MYH2: variants seen among roughly 807,000 people sequenced by gnomAD.
MYH2 encodes the protein myosin heavy chain 2, also known as myosin-2.
Under a neutral mutation model 228.1 loss-of-function variants are expected in MYH2, and 139 were observed. The observed-to-expected ratio is 0.61, with a 90% CI of 0.53 to 0.70. The LOEUF (loss-of-function observed/expected upper bound fraction) is 0.70, where lower values mean the gene tolerates loss of function less well. Ranked by LOEUF, MYH2 falls within the 30% of genes least tolerant of loss-of-function variation. The pLI is 0.00. For synonymous variants in MYH2, 796 were observed against 871.1 expected (o/e 0.91, Z 1.52); for missense variants, 1,809 against 2,357.5 (o/e 0.77, Z 4.82).
rs753068723 is a variant in MYH2 at position 10,524,847 on chromosome 17, G to T, written c.4881C>A (p.Asp1627Glu). The T allele has an allele frequency of 8.7e-6, 14 of 1,614,012 alleles. No homozygotes were observed. The highest frequency in any genetic ancestry group is 1.3e-5 in the African/African-American group (1 of 74,962). Residue 1627 changes from aspartate (D) to glutamate (E), a missense_variant, in exon 34 of 40, where the codon GAC becomes GAA. By Grantham distance (45) the Asp-to-Glu change is conservative (BLOSUM62 2). This residue lies in a region of MYH2 where 75 missense variants were observed against 131.2 expected (regional missense o/e 0.57). Coordinates refer to ENST00000245503, the MANE Select transcript of MYH2 (RefSeq NM_017534.6). This position sits in a 1 kb window ranked among gnomAD's most constrained non-coding sequence, Gnocchi z 4.7. ...TCAGCTGGATTTCCATTTCATTGAG[G>T]TCTCCCTCCATCTTCTTCTTGAGCC... ...AIRLKKKMEG[D>E]LNEMEIQLNH...
rs934672644 is a variant in MYH2, at chr17:10,525,626, C to G, written c.4372-10G>C. The G allele has an allele frequency of 1.2e-6, 2 of 1,613,986 alleles. No individual in the cohort carries two copies. The highest frequency in any genetic ancestry group is 2.7e-5 in the African/African-American group (2 of 74,892). ...TCCATTCTGCCAGGATCTGAAAAAC[C>G]AAGACCTGTTACCTGCTGCAAAGAC... On this transcript the variant is annotated splice_polypyrimidine_tract_variant and intron_variant, in intron 31 of 39. Transcript: ENST00000245503. This position sits in a 1 kb window ranked among gnomAD's most constrained non-coding sequence, Gnocchi z 4.2.
intron 17 of MYH2, 83 bp downstream of exon 17, chr17:10,536,447 A>T: frequency 8.8e-7 from 1 of 1,141,738 alleles, no homozygotes; most frequent in South Asian, 1.4e-5. Context: ...TCCTTAGAAC[A>T]AAAATAGAAG....
chr17:10,532,524 T>C (rs1417328886), intron 21 of MYH2, among the ~76,000 whole-genome samples: 2 of 152,186 alleles, frequency 1.3e-5, no homozygotes, highest in Non-Finnish European at 2.9e-5. Flanking sequence ...TCGTGGATCA[T>C]GACCAAAATT....
At chr17:10,534,785 C>T (rs2073463789) in intron 19 of MYH2, among the ~76,000 whole-genome samples, 1 of 152,084 alleles carries the variant, frequency 6.6e-6, no homozygotes, top group African/African-American at 2.4e-5. Flanking sequence ...GGCGTGGTGG[C>T]ATATGCCTGT....
chr17:10,548,337 GT>G (rs1339111820), intron 2 of MYH2, among the ~76,000 whole-genome samples: 1 of 152,156 alleles, frequency 6.6e-6, no homozygotes, highest in African/African-American at 2.4e-5. Flanking sequence ...CATGATATAT[GT>G]GAAGATACTT....
chr17:10,528,664 T>A, intron 27 of MYH2, 26 bp downstream of exon 27: 1 of 1,613,966 alleles, frequency 6.2e-7, no homozygotes, highest in South Asian at 1.1e-5. Flanking sequence ...TTATTTTCAA[T>A]AACAATTTCC....
chr17:10,531,284 ACT>A (rs1403914098), intron 22 of MYH2, among the ~76,000 whole-genome samples: 2 of 151,992 alleles, frequency 1.3e-5, no homozygotes, highest in East Asian at 3.9e-4. Flanking sequence ...GAAAAATATT[ACT>A]CTCTCCATGC....
Position 10,521,339 on chromosome 17 carries a change from C to G in MYH2, c.5767G>C (p.Val1923Leu), listed in dbSNP as rs1421186490. 1 of 1,614,142 alleles carries G rather than the reference C, an allele frequency of 6.2e-7. No homozygotes were observed. The highest frequency in any genetic ancestry group is 8.5e-7 in the Non-Finnish European group (1 of 1,180,028). ...CGGCTCTTCACCCGCAGTTTGTTCA[C>G]CTGGGACTCAGCAATGTCAGCCCGT... ...EERADIAESQ[V>L]NKLRVKSREV... The change falls in exon 40 of 40, where the codon GTG becomes CTG. Residue 1923 changes from valine to leucine, a missense_variant. By Grantham distance (32) the Val-to-Leu change is conservative. Coordinates refer to ENST00000245503, the MANE Select transcript of MYH2 (RefSeq NM_017534.6).
intron 4 of MYH2, among the ~76,000 whole-genome samples, chr17:10,546,986 G>C (rs756644640): frequency 3.3e-5 from 5 of 151,852 alleles, no homozygotes; most frequent in Admixed American, 1.3e-4. Flanking sequence ...AGCTACTCTG[G>C]AGGCTGAGGC....
intron 18 of MYH2, 29 bp downstream of exon 18, chr17:10,535,249 C>T: frequency 6.2e-7 from 1 of 1,613,862 alleles, no homozygotes; most frequent in Non-Finnish European, 8.5e-7. Context: ...GGCAGTCATC[C>T]TTTGCACTTT....
intron 17 of MYH2, 53 bp from the exon 18 acceptor site, chr17:10,535,418 C>T: frequency 6.9e-7 from 1 of 1,444,134 alleles, no homozygotes. Context: ...TGGATATGAG[C>T]AGTCATTGGT....
rs769259009 is a variant in MYH2, at chr17:10,529,323, C to T, written c.3263+13G>A. On this transcript the variant is annotated intron_variant, in intron 25 of 39. Coordinates refer to ENST00000245503, the MANE Select transcript of MYH2 (RefSeq NM_017534.6). Reference sequence around the variant, plus strand: ...GTTGGAAGCAAATCCATAAGCAATTCTTTCTTACTTACTTTTTGAGCTTTT... The same window carrying T: ...GTTGGAAGCAAATCCATAAGCAATTTTTTCTTACTTACTTTTTGAGCTTTT... The T allele has an allele frequency of 1.2e-6, 2 of 1,613,766 alleles. No homozygotes were observed. Among genetic ancestry groups the T allele is most frequent in the Admixed American group, 1.7e-5 (1 of 59,994 alleles).
At chr17:10,546,699 A>G (rs943373830) in intron 4 of MYH2, among the ~76,000 whole-genome samples, 2 of 151,942 alleles carry the variant, frequency 1.3e-5, no homozygotes, top group Admixed American at 6.6e-5. Context: ...AGGAGGTGAC[A>G]TTCCAGATAG....
intron 14 of MYH2, among the ~76,000 whole-genome samples, chr17:10,538,116 A>G (rs2073504672): frequency 6.6e-6 from 1 of 152,156 alleles, no homozygotes; most frequent in South Asian, 2.1e-4. Flanking sequence ...CTGAGTACCT[A>G]CTTAATCATC....
Position 10,537,463 on chromosome 17 carries a change from T to C in MYH2, c.1667A>G (p.Tyr556Cys). ...GGCAGACTTGCCCAGGTGCTGGTCA[T>C]ACAGCTTGTTCTTGAAGGAGGTGTC... ...ATDTSFKNKL[Y>C]DQHLGKSANF... The change falls in exon 16 of 40, where the codon TAT becomes TGT. Residue 556 changes from tyrosine to cysteine, a missense_variant. Transcript: ENST00000245503. The surrounding 1 kb of genome is among the most constrained non-coding windows in gnomAD (Gnocchi z 4.0). 6.2e-7 allele frequency: 1 copy of C among 1,614,238 alleles called. No homozygotes were observed. Among genetic ancestry groups the C allele is most frequent in the Non-Finnish European group, 8.5e-7 (1 of 1,180,038 alleles).
At position 10,530,064 on chromosome 17, in the gene MYH2, C is replaced by A. The variant is rs751758840; in HGVS notation, c.2708G>T (p.Gly903Val). 6.2e-7 allele frequency: 1 copy of A among 1,614,230 alleles called. No individual in the cohort carries two copies. Among genetic ancestry groups the A allele is most frequent in the Non-Finnish European group, 8.5e-7 (1 of 1,180,044 alleles). ...ACACCTTTCCTCTGCATCAGCCAAG[C>A]CTTCGGCTTCCTTAAGTTGGAAACA... ...LQLQVQAEAE[G>V]LADAEERCDQ... The change falls in exon 23 of 40, where the codon GGC becomes GTC. Residue 903 changes from glycine to valine, a missense_variant. Physicochemically the swap from Gly to Val is moderately radical, Grantham distance 109. Transcript: ENST00000245503.
intron 27 of MYH2, among the ~76,000 whole-genome samples, chr17:10,528,472 G>A (rs956355599): frequency 9.2e-5 from 14 of 152,048 alleles, no homozygotes; most frequent in African/African-American, 2.4e-4. Context: ...TGGTGTTGTC[G>A]TTTATTAATG....
At chr17:10,542,247 C>A (rs1874944670) in intron 10 of MYH2, among the ~76,000 whole-genome samples, 1 of 151,400 alleles carries the variant, frequency 6.6e-6, no homozygotes, top group South Asian at 2.1e-4. Context: ...GCACTCTGGC[C>A]TGGGTGACAA....
At chr17:10,527,311 T>C (rs576884738) in intron 28 of MYH2, among the ~76,000 whole-genome samples, 132 of 152,342 alleles carry the variant, frequency 8.7e-4, no homozygotes, top group South Asian at 1.9e-3. Context: ...TATGATATTG[T>C]GCAAAATCTG....
Sources: allele counts gnomAD v4.1 joint callset (sites outside exome capture counted in the v4.1 genomes callset), GRCh38; gene constraint gnomAD v4.1.1; regional missense constraint gnomAD v4.1.1; non-coding constraint Gnocchi (gnomAD v3.1); transcripts MANE v1.5; gene names NCBI Gene and HGNC (gene_info 2026-07-23, HGNC 2026-07-21).